The following RFC4 variants were observed in gnomAD, a reference collection of about 807,000 sequenced individuals.
RFC4 encodes the protein replication factor C subunit 4, also known as A1 37 kDa subunit.
A neutral mutation model predicts 47.6 loss-of-function variants in RFC4; 38 were observed. That is an observed-to-expected ratio of 0.80 (90% CI 0.62 to 1.05). The LOEUF (loss-of-function observed/expected upper bound fraction) is 1.05. Among genes scored for constraint, RFC4 ranks in the 50% least tolerant of loss-of-function variants. The probability of loss-of-function intolerance (pLI) is 0.00; values close to 1 mark genes in which losing one functional copy is unlikely to be tolerated. For synonymous variants in RFC4, 164 were observed against 150.0 expected, an observed-to-expected ratio of 1.09 and a Z score of -0.68; for missense variants, 489 against 434.0, an observed-to-expected ratio of 1.13 and a Z score of -1.13.
At chr3:186,801,038 G>A (rs1406029202) in intron 3 of RFC4, 79 bp downstream of exon 3, 22 of 1,051,978 alleles carry the variant, frequency 2.1e-5, no homozygotes, top group Non-Finnish European at 2.8e-5. Flanking sequence ...ACGAGGGCTA[G>A]AAGTTATAAA....
rs186309484 is a variant in RFC4, at chr3:186,796,456, T to C, written c.290+1079A>G. Among the ~76,000 whole-genome samples the C allele has an allele frequency of 6.6e-6, 1 of 152,236 alleles. No homozygotes were observed. Among genetic ancestry groups the C allele is most frequent in the African/African-American group, 2.4e-5 (1 of 41,570 alleles). On this transcript the variant is annotated intron_variant, in intron 4 of 10. Coordinates refer to ENST00000296273, the MANE Select transcript of RFC4 (RefSeq NM_002916.5). The surrounding 1 kb of genome is among the most constrained non-coding windows in gnomAD (Gnocchi z 4.2). Reference sequence around the variant, plus strand: ...TTTTACATTTTGACATAACTAATAATCCTTACACATTTGGTGATTTCAGTG... The same window carrying C: ...TTTTACATTTTGACATAACTAATAACCCTTACACATTTGGTGATTTCAGTG...
intron 1 of RFC4, 25 bp from the exon 2 acceptor site, chr3:186,804,749 A>G: frequency 6.3e-7 from 1 of 1,581,410 alleles, no homozygotes; most frequent in East Asian, 2.3e-5. Context: ...GACAGAAAAA[A>G]AAAGCTTTTA....
chr3:186,806,009 G>T (rs1722472764), intron 1 of RFC4, among the ~76,000 whole-genome samples: 1 of 152,196 alleles, frequency 6.6e-6, no homozygotes, highest in Non-Finnish European at 1.5e-5. Context: ...GGCATATGGG[G>T]ATATGCTCAA....
chr3:186,791,597 T>TA (rs750447490), intron 8 of RFC4, 128 bp downstream of exon 8: 2 of 828,056 alleles, frequency 2.4e-6, no homozygotes, highest in Non-Finnish European at 4.2e-6. Context: ...TACTCCCAGG[T>TA]TATTCCCTTA....
At chr3:186,790,477 C>CCCGTG (rs1192060003) in intron 8 of RFC4, 71 bp from the exon 9 acceptor site, 1 of 1,058,690 alleles carries the variant, frequency 9.4e-7, no homozygotes, top group African/African-American at 1.6e-5. Context: ...CCAACTGGCC[C>CCCGTG]CCGTGCCCCC....
chr3:186,802,486 T>C (rs1259527477), intron 2 of RFC4, among the ~76,000 whole-genome samples: 3 of 152,210 alleles, frequency 2.0e-5, no homozygotes, highest in Non-Finnish European at 4.4e-5. Context: ...GCCAATTTTT[T>C]CCATCATCTA....
At chr3:186,798,699 T>A (rs1722293274) in intron 3 of RFC4, among the ~76,000 whole-genome samples, 2 of 152,086 alleles carry the variant, frequency 1.3e-5, no homozygotes, top group African/African-American at 4.8e-5. Context: ...TGGAGTCTGA[T>A]CCTCTTCTTT....
chr3:186,798,782 C>T (rs1722295155), intron 3 of RFC4, among the ~76,000 whole-genome samples: 1 of 152,138 alleles, frequency 6.6e-6, no homozygotes, highest in Non-Finnish European at 1.5e-5. Flanking sequence ...CTCCTATTCT[C>T]TCATTAGTGT....
chr3:186,804,858 C>A, intron 1 of RFC4, 134 bp from the exon 2 acceptor site: 1 of 771,542 alleles, frequency 1.3e-6, no homozygotes, highest in Non-Finnish European at 2.1e-6. Context: ...TAGCCTTGTG[C>A]AAAGATGTTA....
At position 186,796,026 on chromosome 3, in the gene RFC4, T is replaced by TACACACAC. The variant is rs3082241; in HGVS notation, c.291-1257_291-1250dup. ...TTTTTGAAACTTCCCTCTAGTCTTT[T>TACACACAC]ACACACACACACACACACACACACA... On this transcript the variant is annotated intron_variant, in intron 4 of 10. Transcript: ENST00000296273. This position sits in a 1 kb window ranked among gnomAD's most constrained non-coding sequence, Gnocchi z 4.2. Among the ~76,000 whole-genome samples the TACACACAC allele has an allele frequency of 2.3e-3, 344 of 149,268 alleles. 1 individual carries two copies. The highest frequency in any genetic ancestry group is 6.9e-3 in the Middle Eastern group (2 of 290).
intron 2 of RFC4, among the ~76,000 whole-genome samples, chr3:186,801,729 A>G (rs999130526): frequency 5.3e-5 from 8 of 150,780 alleles, no homozygotes; most frequent in Non-Finnish European, 8.9e-5. Context: ...AAAAAAAAAA[A>G]AAGAAATTAA....
chr3:186,802,608 A>G (rs996135465), intron 2 of RFC4, among the ~76,000 whole-genome samples: 1 of 152,242 alleles, frequency 6.6e-6, no homozygotes, highest in African/African-American at 2.4e-5. Context: ...GTGATTTTTA[A>G]GAGAAGCTAG....
intron 8 of RFC4, among the ~76,000 whole-genome samples, chr3:186,790,711 G>C (rs933341848): frequency 6.6e-6 from 1 of 151,992 alleles, no homozygotes; most frequent in East Asian, 1.9e-4. Flanking sequence ...CGGCTATAAC[G>C]ATTCCTCAGA....
chr3:186,794,961 T>C (rs575964590), intron 4 of RFC4, 184 bp from the exon 5 acceptor site: 4 of 599,150 alleles, frequency 6.7e-6, no homozygotes, highest in Non-Finnish European at 1.1e-5. Context: ...CTTTTTTCCA[T>C]GCATTTAAAA....
At chr3:186,802,875 T>C (rs567721208) in intron 2 of RFC4, among the ~76,000 whole-genome samples, 2 of 151,988 alleles carry the variant, frequency 1.3e-5, no homozygotes, top group African/African-American at 2.4e-5. Context: ...CCATGGCAAA[T>C]TGAGGAACAC....
In RFC4 at chr3:186,790,120, C is replaced by T. The variant is rs371503065; in HGVS notation, c.996+22G>A. On this transcript the variant is annotated intron_variant, in intron 10 of 10. Transcript: ENST00000296273. ...TTCAGGTAGTTAAATGTTCCATTGA[C>T]ATGTGCAAAGTACCTACTTACGGCA... 4 of 1,604,034 alleles carry T rather than the reference C, an allele frequency of 2.5e-6. No individual in the cohort carries two copies. In the African/African-American group the frequency reaches 5.4e-5, roughly 21 times the overall value.
chr3:186,790,573 A>G (rs1383996783), intron 8 of RFC4, among the ~76,000 whole-genome samples, 167 bp from the exon 9 acceptor site: 1 of 152,206 alleles, frequency 6.6e-6, no homozygotes, highest in Non-Finnish European at 1.5e-5. Flanking sequence ...TCCAGTCACC[A>G]CTAAGCAACC....
rs757694142 is a variant in RFC4, at chr3:186,804,640, C to G, written c.74G>C (p.Ser25Thr). The change falls in exon 2 of 11, where the codon AGT becomes ACT. Residue 25 changes from serine to threonine, a missense_variant. By Grantham distance (58) the Ser-to-Thr change is moderately conservative (BLOSUM62 1). Transcript: ENST00000296273. ...CTTGTTCTCTCCGCTACTTCCCGCACTGGCAGCTACTCCTCGATCCTTGGT... is the reference window on the plus strand; with the variant it reads ...CTTGTTCTCTCCGCTACTTCCCGCAGTGGCAGCTACTCCTCGATCCTTGGT... ...PLTKDRGVAA[S>T]AGSSGENKKA... 8.1e-6 allele frequency: 13 copies of G among 1,614,132 alleles called. No individual in the cohort carries two copies. The highest frequency in any genetic ancestry group is 1.0e-5 in the Non-Finnish European group (12 of 1,180,028).
chr3:186,799,162 G>C (rs1342832617), intron 3 of RFC4, among the ~76,000 whole-genome samples: 1 of 152,012 alleles, frequency 6.6e-6, no homozygotes, highest in Non-Finnish European at 1.5e-5. Flanking sequence ...TAAATTCTTT[G>C]AAACAGGGTA....
Sources: allele counts gnomAD v4.1 joint callset (sites outside exome capture counted in the v4.1 genomes callset), GRCh38; gene constraint gnomAD v4.1.1; non-coding constraint Gnocchi (gnomAD v3.1); transcripts MANE v1.5; gene names NCBI Gene and HGNC (gene_info 2026-07-23, HGNC 2026-07-21).